PYGM: variants seen among roughly 807,000 people sequenced by gnomAD.
PYGM encodes the protein glycogen phosphorylase, muscle associated.
PYGM carries 81 observed loss-of-function variants against 99.3 expected under a neutral mutation model. The ratio of observed to expected loss-of-function variants is 0.82; its 90% CI spans 0.68 to 0.98. The LOEUF is 0.98. PYGM is among the 50% of genes least tolerant of loss of function. The pLI is 0.00. For missense variants in PYGM, 1,030 were observed against 1,158.1 expected (o/e 0.89, Z 1.61); for synonymous variants, 436 against 451.5 (o/e 0.97, Z 0.44).
At position 64,754,743 on chromosome 11, in the gene PYGM, AC is replaced by A; in HGVS notation, c.948del (p.Lys316AsnfsTer35). 1 of 1,613,880 alleles carries A rather than the reference AC, an allele frequency of 6.2e-7. No homozygotes were observed. Among genetic ancestry groups the A allele is most frequent in the East Asian group, 2.2e-5 (1 of 44,882 alleles). On this transcript the variant is annotated frameshift_variant, in exon 8 of 20. Transcript: ENST00000164139. LOFTEE classifies it high-confidence loss of function. The surrounding 1 kb of genome is among the most constrained non-coding windows in gnomAD (Gnocchi z 5.5). ...GTGCGCACGGGATCACGGCAGCCGA[AC>A]TTGGAAGACTTGAAGCGACGGATGA... ...QDIIRRFKSS[K>X]FGCRDPVRTN...
intron 16 of PYGM, 116 bp from the exon 17 acceptor site, chr11:64,750,699 A>C (rs1402740145): frequency 1.1e-6 from 1 of 931,766 alleles, no homozygotes; most frequent in Non-Finnish European, 1.6e-6. Flanking sequence ...CCCACCCCAA[A>C]CTCCCAGTCT....
intron 1 of PYGM, among the ~76,000 whole-genome samples, chr11:64,758,992 A>T: frequency 6.0e-4 from 1 of 1,664 alleles, no homozygotes; most frequent in African/African-American, 1.2e-3. Context: ...GAGAATGGGC[A>T]CCCCTTCCCC....
chr11:64,759,225 A>C (rs1338422361), intron 1 of PYGM, among the ~76,000 whole-genome samples: 75 of 125,298 alleles, frequency 6.0e-4, no homozygotes, highest in Middle Eastern at 3.7e-3. Flanking sequence ...CCCCTCCCCC[A>C]CTCCCCACCG....
intron 15 of PYGM, 50 bp downstream of exon 15, chr11:64,751,547 C>T (rs1037374942): frequency 6.2e-7 from 1 of 1,614,118 alleles, no homozygotes; most frequent in Non-Finnish European, 8.5e-7. Flanking sequence ...CTGACCTCAA[C>T]CTGGATATAT....
intron 14 of PYGM, 47 bp downstream of exon 14, chr11:64,751,877 G>T (rs755965745): frequency 1.9e-6 from 3 of 1,611,760 alleles, no homozygotes; most frequent in Non-Finnish European, 8.5e-7. Context: ...TATGCCGCAG[G>T]AACACGGGGG....
At chr11:64,760,555 GA>G (rs1433383890), upstream of PYGM, among the ~76,000 whole-genome samples, 1 of 152,230 alleles carries the variant, frequency 6.6e-6, no homozygotes, top group Non-Finnish European at 1.5e-5. Context: ...GCCCTGAAGT[GA>G]CCTTTTGGAG....
intron 11 of PYGM, among the ~76,000 whole-genome samples, 160 bp downstream of exon 11, chr11:64,753,359 A>G (rs542366558): frequency 6.6e-6 from 1 of 152,266 alleles, no homozygotes; most frequent in South Asian, 2.1e-4. Flanking sequence ...ACAGGGCGGC[A>G]CTGGAAGGGG....
In PYGM at chr11:64,746,648, G is replaced by A. The variant is rs763468272; in HGVS notation, c.*11C>T. ...AGACTCAAGGGCTGGTTTGGGGTCTGGTCTGGAGGCTCAGATGGCCTCATC... is the reference window on the plus strand; with the variant it reads ...AGACTCAAGGGCTGGTTTGGGGTCTAGTCTGGAGGCTCAGATGGCCTCATC... On this transcript the variant is annotated 3_prime_UTR_variant, in exon 20 of 20. Transcript: ENST00000164139. 8 of 1,613,984 alleles carry A rather than the reference G, an allele frequency of 5.0e-6. No individual in the cohort carries two copies. Among genetic ancestry groups the A allele is most frequent in the African/African-American group, 4.0e-5 (3 of 74,920 alleles).
rs1393111280 is a variant in PYGM, at chr11:64,758,424, CCTGT to C, written c.424+9_424+12del. On this transcript the variant is annotated intron_variant, in intron 3 of 19. Coordinates refer to ENST00000164139, the MANE Select transcript of PYGM (RefSeq NM_005609.4). Reference sequence around the variant, plus strand: ...CATCGGCCCACTCCACCCTCACGGCCCTGTCTTCTTACCTGCCAGCCGGCCCAGG... The same window carrying C: ...CATCGGCCCACTCCACCCTCACGGCCCTTCTTACCTGCCAGCCGGCCCAGG... 56 of 1,613,594 alleles carry C rather than the reference CCTGT, an allele frequency of 3.5e-5. No individual in the cohort carries two copies. The highest frequency in any genetic ancestry group is 5.0e-5 in the Admixed American group (3 of 60,000).
chr11:64,760,079 G>A (rs1425477185), upstream of PYGM: 24 of 972,838 alleles, frequency 2.5e-5, no homozygotes, highest in Non-Finnish European at 3.0e-5. Flanking sequence ...GAGCTATTTT[G>A]AGGGCAAGGG....
In PYGM at chr11:64,755,487, G is replaced by T; in HGVS notation, c.732C>A (p.Leu244=). Residue 244 remains leucine (L), a synonymous_variant, in exon 6 of 20, where the codon CTC becomes CTA. Transcript: ENST00000164139. The surrounding 1 kb of genome is among the most constrained non-coding windows in gnomAD (Gnocchi z 4.1). ...AGTCATTGGGAGCCTTGGCAGACCA[G>T]AGGCGCATGGTGTTGACAACATTGT... is the stretch of plus-strand genomic sequence containing the variant. ...YRNNVVNTMR[L]WSAKAPNDFN... 1 of 1,614,190 alleles carries T rather than the reference G, an allele frequency of 6.2e-7. No individual in the cohort carries two copies. The highest frequency in any genetic ancestry group is 8.5e-7 in the Non-Finnish European group (1 of 1,180,024).
At position 64,755,991 on chromosome 11, in the gene PYGM, C is replaced by T. The variant is rs1052060011; in HGVS notation, c.661-433G>A. ...ACAGAGGTCAAGTCCATCCAAAGGT[C>T]TCATCTCTGGTTGACCACAGGGCTA... On this transcript the variant is annotated intron_variant, in intron 5 of 19. Transcript: ENST00000164139. The surrounding 1 kb of genome is among the most constrained non-coding windows in gnomAD (Gnocchi z 4.1). Among the ~76,000 whole-genome samples, 1 of 152,244 alleles carries T rather than the reference C, an allele frequency of 6.6e-6. No individual in the cohort carries two copies. Among genetic ancestry groups the T allele is most frequent in the East Asian group, 1.9e-4 (1 of 5,192 alleles).
intron 17 of PYGM, among the ~76,000 whole-genome samples, chr11:64,749,380 C>T (rs879298064): frequency 2.7e-5 from 4 of 150,624 alleles, no homozygotes; most frequent in Non-Finnish European, 5.9e-5. Flanking sequence ...CAGTGGCTCA[C>T]GCCTGTAATC....
chr11:64,752,114 C>T, intron 13 of PYGM, 43 bp from the exon 14 acceptor site: 2 of 1,613,588 alleles, frequency 1.2e-6, no homozygotes, highest in Admixed American at 1.7e-5. Context: ...AGGCCACAGC[C>T]TCAGGAAATC....
chr11:64,751,680 G>A lies in PYGM; in HGVS notation c.1769-25C>T, dbSNP rs762629138. The A allele has an allele frequency of 4.3e-6, 7 of 1,613,586 alleles. No individual in the cohort carries two copies. The Admixed American group carries it at 1.0e-4, about 23-fold the overall frequency. ...CCTGTGGAGAAACGAGAGGGATCCA[G>A]TGGGCCTACCTTTCCCTCTGGGTAG... On this transcript the variant is annotated intron_variant, in intron 14 of 19. Coordinates refer to ENST00000164139, the MANE Select transcript of PYGM (RefSeq NM_005609.4).
chr11:64,751,770 C>T lies in PYGM; in HGVS notation c.1769-115G>A, dbSNP rs996326440. ...GACTCGAACAATCACTTGCTATGCTCTCTTAGCCTCAGTTTGCCCATCTGT... is the reference window on the plus strand; with the variant it reads ...GACTCGAACAATCACTTGCTATGCTTTCTTAGCCTCAGTTTGCCCATCTGT... On this transcript the variant is annotated intron_variant, in intron 14 of 19. Coordinates refer to ENST00000164139, the MANE Select transcript of PYGM (RefSeq NM_005609.4). 3.3e-6 allele frequency: 5 copies of T among 1,516,056 alleles called. No homozygotes were observed. The African/African-American group carries it at 6.9e-5, about 21-fold the overall frequency. The allele number at this position is 1,516,056 out of a possible 1,614,324, so 93.9% of individuals were successfully genotyped here. A position where few individuals can be genotyped will look rare whatever the true frequency, so the allele number is the denominator to read the frequency against.
Position 64,755,555 on chromosome 11 carries a change from C to T in PYGM, c.664G>A (p.Val222Ile), listed in dbSNP as rs777710532. 3 of 1,613,624 alleles carry T rather than the reference C, an allele frequency of 1.9e-6. No homozygotes were observed. The highest frequency in any genetic ancestry group is 2.2e-5 in the East Asian group (1 of 44,884). ...QGAKWVDTQV[V>I]LAMPYDTPVP... ...GGCGTATCGTAGGGCATGGCCAGTA[C>T]CACCTGCGGGGGGCAATCCTGTCAG... The change falls in exon 6 of 20, where the codon GTA (valine) becomes ATA (isoleucine). Residue 222 changes from valine to isoleucine, a missense_variant. Transcript: ENST00000164139. The surrounding 1 kb of genome is among the most constrained non-coding windows in gnomAD (Gnocchi z 4.1).
At chr11:64,756,609 C>T (rs1228408816) in intron 5 of PYGM, among the ~76,000 whole-genome samples, 1 of 152,138 alleles carries the variant, frequency 6.6e-6, no homozygotes, top group East Asian at 1.9e-4. Flanking sequence ...TGCCACCATG[C>T]CCGGCTAATG....
chr11:64,747,516 C>G, intron 17 of PYGM, 158 bp from the exon 18 acceptor site: 2 of 820,482 alleles, frequency 2.4e-6, no homozygotes, highest in Non-Finnish European at 2.0e-6. Context: ...CCCTGCAACT[C>G]CCCTTCTCTG....
Sources: gnomAD v4.1 joint callset for allele counts (sites outside exome capture counted in the v4.1 genomes callset) on GRCh38, gnomAD v4.1.1 for gene constraint, Gnocchi (gnomAD v3.1) non-coding constraint, MANE v1.5 for transcripts, NCBI Gene and HGNC (gene_info 2026-07-23, HGNC 2026-07-21) for gene names.